RIMS2: variants seen among roughly 807,000 people sequenced by gnomAD.
The protein encoded by RIMS2 is regulating synaptic membrane exocytosis protein 2.
A neutral mutation model predicts 174.4 loss-of-function variants in RIMS2; 59 were observed. That is an observed-to-expected ratio of 0.34 (90% confidence interval 0.27 to 0.42). The LOEUF (loss-of-function observed/expected upper bound fraction) is 0.42, where lower values mean the gene tolerates loss of function less well. Ranked by LOEUF, RIMS2 falls within the 10% of genes least tolerant of loss-of-function variation. The pLI, the probability that RIMS2 is intolerant of heterozygous loss-of-function variation, is 1.00. For synonymous variants in RIMS2, 606 were observed against 572.5 expected (o/e 1.06, Z -0.84); for missense variants, 1,620 against 1,666.3 (o/e 0.97, Z 0.48).
chr8:103,979,227 G>A (rs775483263), intron 16 of RIMS2, among the ~76,000 whole-genome samples: 1 of 152,108 alleles, frequency 6.6e-6, no homozygotes, highest in Non-Finnish European at 1.5e-5. Context: ...TTACCTTAAA[G>A]GGTATTCATC....
intron 3 of RIMS2, among the ~76,000 whole-genome samples, chr8:103,830,883 A>G (rs1401845090): frequency 6.6e-6 from 1 of 152,198 alleles, no homozygotes; most frequent in Non-Finnish European, 1.5e-5. Context: ...GCCTTGGCTC[A>G]CCACAGCCTC....
chr8:103,870,717 G>T (rs1270233995), intron 3 of RIMS2, among the ~76,000 whole-genome samples: 1 of 150,836 alleles, frequency 6.6e-6, no homozygotes, highest in Non-Finnish European at 1.5e-5. Context: ...AAGTTCCACA[G>T]AATTTACCTC....
chr8:103,965,023 C>T (rs1261878316), intron 15 of RIMS2, among the ~76,000 whole-genome samples: 3 of 152,060 alleles, frequency 2.0e-5, no homozygotes, highest in South Asian at 2.1e-4. Context: ...TTTGTCTATT[C>T]GTTGACCAAA....
At chr8:103,685,857 T>G (rs1331144880) in intron 1 of RIMS2, among the ~76,000 whole-genome samples, 1 of 152,176 alleles carries the variant, frequency 6.6e-6, no homozygotes, top group Non-Finnish European at 1.5e-5. Flanking sequence ...TCAATTTTTA[T>G]TAAAAAAATG....
rs534505063 is a variant in RIMS2 at position 103,860,820 on chromosome 8, C to T, written c.699-24478C>T. Among the ~76,000 whole-genome samples the T allele has an allele frequency of 4.0e-5, 6 of 151,636 alleles. No homozygotes were observed. In the South Asian group the frequency reaches 1.2e-3, roughly 32 times the overall value. On this transcript the variant is annotated intron_variant, in intron 3 of 23. Coordinates refer to ENST00000504942, the Ensembl canonical transcript of RIMS2. ...TTTTCCCTACAAAATAATTTTAATA[C>T]TTTGTGCCTGGGTTAGCAGCATCTT... is the stretch of plus-strand genomic sequence containing the variant.
At chr8:103,868,145 T>C (rs1183364538) in intron 3 of RIMS2, among the ~76,000 whole-genome samples, 8 of 152,118 alleles carry the variant, frequency 5.3e-5, no homozygotes, top group Non-Finnish European at 8.8e-5. Context: ...AAGTAATTCT[T>C]AATTTTTTTA....
chr8:104,212,868 T>C (rs142177050), intron 19 of RIMS2, among the ~76,000 whole-genome samples: 1 of 152,318 alleles, frequency 6.6e-6, no homozygotes, highest in East Asian at 1.9e-4. Flanking sequence ...GAGAACTGTG[T>C]TGAGACCTAT....
intron 1 of RIMS2, among the ~76,000 whole-genome samples, chr8:103,672,181 T>A (rs2096753059): frequency 6.6e-6 from 1 of 152,116 alleles, no homozygotes. Context: ...TGGGACAGTA[T>A]CTGTGTCTGC....
chr8:103,622,388 A>G (rs1211102344), intron 1 of RIMS2, among the ~76,000 whole-genome samples: 1 of 152,180 alleles, frequency 6.6e-6, no homozygotes, highest in African/African-American at 2.4e-5. Context: ...AATGCATAAC[A>G]TTTTAAAAAG....
chr8:103,734,625 A>G (rs1306107668), intron 2 of RIMS2, among the ~76,000 whole-genome samples: 1 of 151,966 alleles, frequency 6.6e-6, no homozygotes, highest in East Asian at 1.9e-4. Context: ...CCTTGGCAAC[A>G]GGTACTATAT....
intron 2 of RIMS2, among the ~76,000 whole-genome samples, chr8:103,737,979 G>A (rs2097708494): frequency 6.6e-6 from 1 of 152,008 alleles, no homozygotes; most frequent in South Asian, 2.1e-4. Context: ...TGTTTATTGT[G>A]TATCTTCTCC....
At chr8:103,739,292 C>T (rs1041962090) in intron 2 of RIMS2, among the ~76,000 whole-genome samples, 4 of 152,176 alleles carry the variant, frequency 2.6e-5, no homozygotes, top group African/African-American at 9.7e-5. Flanking sequence ...AAAACCCAAA[C>T]ACCGCATGTT....
At chr8:103,981,488 C>T (rs1187102391) in intron 16 of RIMS2, among the ~76,000 whole-genome samples, 16 of 152,046 alleles carry the variant, frequency 1.1e-4, no homozygotes, top group African/African-American at 1.7e-4. Flanking sequence ...CACCAAAGAC[C>T]GTCTATAAGC....
intron 3 of RIMS2, among the ~76,000 whole-genome samples, chr8:103,807,966 T>C (rs1419241144): frequency 6.6e-6 from 1 of 152,146 alleles, no homozygotes; most frequent in Non-Finnish European, 1.5e-5. Flanking sequence ...TCTTCTGTTT[T>C]GGCTGAAAAA....
Position 104,230,561 on chromosome 8 carries a change from G to A in RIMS2, c.3335-14355G>A, listed in dbSNP as rs187948777. On this transcript the variant is annotated intron_variant, in intron 19 of 23. Coordinates refer to ENST00000504942, the Ensembl canonical transcript of RIMS2. The stretch of plus-strand genomic sequence containing the variant: ...CTCAGGAGGCTGAGGCATGAGAATC[G>A]CTTGAACCCTGGAGGCGGAAGTTGC... Among the ~76,000 whole-genome samples, 1,266 of 151,942 alleles carry A rather than the reference G, an allele frequency of 8.3e-3. 10 individuals carry two copies. The highest frequency in any genetic ancestry group is 0.021 in the Admixed American group (321 of 15,274).
At chr8:104,047,561 G>A (rs1277195606) in intron 19 of RIMS2, among the ~76,000 whole-genome samples, 1 of 152,068 alleles carries the variant, frequency 6.6e-6, no homozygotes, top group Non-Finnish European at 1.5e-5. Context: ...CAAAGATTAA[G>A]TTAGCCAAAA....
intron 19 of RIMS2, among the ~76,000 whole-genome samples, chr8:104,020,342 T>G (rs2096056683): frequency 6.6e-6 from 1 of 152,030 alleles, no homozygotes; most frequent in South Asian, 2.1e-4. Context: ...AAGGCAAGTC[T>G]TAAAATGAAG....
chr8:103,608,699 C>T (rs929935837), intron 1 of RIMS2, among the ~76,000 whole-genome samples: 4 of 152,048 alleles, frequency 2.6e-5, no homozygotes, highest in African/African-American at 4.8e-5. Flanking sequence ...CATGGTGCGC[C>T]GTTTTTTAAG....
intron 19 of RIMS2, among the ~76,000 whole-genome samples, chr8:104,242,037 G>A (rs192859384): frequency 2.0e-4 from 30 of 152,290 alleles, no homozygotes; most frequent in African/African-American, 6.0e-4. Context: ...TGGGATTACA[G>A]GTGTGAGCCA....
Sources: allele counts gnomAD v4.1 joint callset (sites outside exome capture counted in the v4.1 genomes callset), GRCh38; gene constraint gnomAD v4.1.1; transcripts MANE v1.5; gene names NCBI Gene and HGNC (gene_info 2026-07-23, HGNC 2026-07-21).